Variants in STIM2 observed in about 807,000 individuals in gnomAD.
The protein encoded by STIM2 is stromal interaction molecule 2.
A neutral mutation model predicts 85.8 loss-of-function variants in STIM2; 31 were observed. The observed-to-expected ratio is 0.36, with a 90% confidence interval of 0.27 to 0.49. The LOEUF is 0.49. Among genes scored for constraint, STIM2 ranks in the 20% least tolerant of loss-of-function variants. The probability of loss-of-function intolerance (pLI) is 0.98; values close to 1 mark genes in which losing one functional copy is unlikely to be tolerated. For synonymous variants in STIM2, 356 were observed against 331.1 expected, an observed-to-expected ratio of 1.08 and a Z score of -0.82; for missense variants, 841 against 927.6, an observed-to-expected ratio of 0.91 and a Z score of 1.21.
intron 1 of STIM2, among the ~76,000 whole-genome samples, chr4:26,910,975 G>A (rs1456254674): frequency 1.3e-5 from 2 of 152,108 alleles, no homozygotes; most frequent in Non-Finnish European, 1.5e-5. Context: ...AGTGGCTCAC[G>A]CCTGTAATCC....
At chr4:26,967,683 G>A (rs551265783) in intron 3 of STIM2, among the ~76,000 whole-genome samples, 1 of 152,174 alleles carries the variant, frequency 6.6e-6, no homozygotes, top group Admixed American at 6.5e-5. Flanking sequence ...TGTTATTAAG[G>A]ATCTCATATA....
At position 26,861,215 on chromosome 4, in the gene STIM2, T is replaced by C; in HGVS notation, c.-4T>C. On this transcript the variant is annotated 5_prime_UTR_variant, in exon 1 of 12. Coordinates refer to ENST00000467087, the MANE Select transcript of STIM2 (RefSeq NM_020860.4). The stretch of plus-strand genomic sequence containing the variant: ...GGCTGCTGCGGCGGCGGCGCTGGGC[T>C]GCGTTGCTGGTGCTCGGGCTGCTGG... 6.8e-7 allele frequency: 1 copy of C among 1,480,370 alleles called. No homozygotes were observed. The highest frequency in any genetic ancestry group is 8.9e-7 in the Non-Finnish European group (1 of 1,120,642). 91.7% of individuals were successfully genotyped at this position (1,480,370 alleles called of 1,614,324 possible). A position where few individuals can be genotyped will look rare whatever the true frequency, so the allele number is the denominator to read the frequency against.
intron 3 of STIM2, among the ~76,000 whole-genome samples, chr4:26,976,123 G>A (rs890902095): frequency 4.6e-5 from 7 of 152,164 alleles, no homozygotes; most frequent in Non-Finnish European, 7.3e-5. Flanking sequence ...TATTTGGGCG[G>A]GAGTGTTCCG....
At chr4:26,980,147 G>C (rs1727330936) in intron 3 of STIM2, among the ~76,000 whole-genome samples, 1 of 152,122 alleles carries the variant, frequency 6.6e-6, no homozygotes, top group Non-Finnish European at 1.5e-5. Context: ...TAGACTAAAG[G>C]CATGTATAAA....
intron 1 of STIM2, among the ~76,000 whole-genome samples, chr4:26,890,823 CAAAAAAAA>C (rs60092225): frequency 3.3e-4 from 17 of 51,058 alleles, no homozygotes; most frequent in African/African-American, 1.1e-3. Flanking sequence ...GACTCCGTCT[CAAAAAAAA>C]AAAAAAAAAA....
chr4:26,895,988 T>A (rs746589499), intron 1 of STIM2, among the ~76,000 whole-genome samples: 3 of 152,208 alleles, frequency 2.0e-5, no homozygotes, highest in Admixed American at 1.3e-4. Context: ...ATTCTCAGAT[T>A]CTCACAAGGC....
In STIM2 at chr4:26,874,007, T is replaced by G. The variant is rs1307723864; in HGVS notation, c.151+12638T>G. On this transcript the variant is annotated intron_variant, in intron 1 of 11. Transcript: ENST00000467087. ...TGCCCCTCTCTTTCTCCTCCTGGCC[T>G]TCACCTGAGTCTCCACCAGCCACTT... 1.2e-5 allele frequency: 10 copies of G among 800,450 alleles called. 1 individual carries two copies. The African/African-American group carries it at 1.4e-4, about 11-fold the overall frequency. The allele number at this position is 800,450 out of a possible 1,614,324, so 49.6% of individuals were successfully genotyped here.
intron 1 of STIM2, among the ~76,000 whole-genome samples, chr4:26,905,522 G>T (rs1030643800): frequency 2.6e-5 from 4 of 152,176 alleles, no homozygotes; most frequent in Non-Finnish European, 5.9e-5. Context: ...GGATGTGTGT[G>T]GGAAGAATAA....
At chr4:26,930,318 A>G (rs1211663135) in intron 2 of STIM2, among the ~76,000 whole-genome samples, 1 of 152,134 alleles carries the variant, frequency 6.6e-6, no homozygotes, top group East Asian at 1.9e-4. Flanking sequence ...GAAAAGTTTT[A>G]TCATAGATTC....
chr4:26,908,784 A>G (rs1724224709), intron 1 of STIM2, among the ~76,000 whole-genome samples: 1 of 152,140 alleles, frequency 6.6e-6, no homozygotes, highest in Non-Finnish European at 1.5e-5. Context: ...GCACCCGGCC[A>G]CAGTCATTGT....
At chr4:26,910,011 TTA>T (rs978152504) in intron 1 of STIM2, among the ~76,000 whole-genome samples, 1 of 152,232 alleles carries the variant, frequency 6.6e-6, no homozygotes, top group Non-Finnish European at 1.5e-5. Flanking sequence ...TTCTGTGATT[TTA>T]TATATGTGTG....
Position 27,022,742 on chromosome 4 carries a change from A to G in STIM2, c.1987A>G (p.Ile663Val), listed in dbSNP as rs1212345112. Reference sequence around the variant, plus strand: ...AGGTCTGACAGAAACTAAGAGTATGATCTTCAGTCCTGCAAGCAAAGTGTA... The same window carrying G: ...AGGTCTGACAGAAACTAAGAGTATGGTCTTCAGTCCTGCAAGCAAAGTGTA... The change falls in exon 12 of 12, where the codon ATC (isoleucine) becomes GTC (valine). Residue 663 changes from isoleucine (I) to valine (V), a missense_variant. By Grantham distance (29) the Ile-to-Val change is conservative. Coordinates refer to ENST00000467087, the MANE Select transcript of STIM2 (RefSeq NM_020860.4). The G allele has an allele frequency of 1.9e-6, 3 of 1,614,176 alleles. No individual in the cohort carries two copies. The highest frequency in any genetic ancestry group is 2.5e-6 in the Non-Finnish European group (3 of 1,180,036).
chr4:26,933,190 CAA>C (rs1161592168), intron 2 of STIM2, among the ~76,000 whole-genome samples: 23 of 92,276 alleles, frequency 2.5e-4, no homozygotes, highest in Admixed American at 3.6e-4. Context: ...ATTGAGAGCT[CAA>C]AAAAAAAAAA....
rs80195308 is a variant in STIM2 at position 26,867,825 on chromosome 4, A to G, written c.151+6456A>G. On this transcript the variant is annotated intron_variant, in intron 1 of 11. Coordinates refer to ENST00000467087, the MANE Select transcript of STIM2 (RefSeq NM_020860.4). Reference sequence around the variant, plus strand: ...GTAACTGTTTTCCTTGACTGGTTTCATTGTTGCTGATTTTAAGGGTGGTTC... The same window carrying G: ...GTAACTGTTTTCCTTGACTGGTTTCGTTGTTGCTGATTTTAAGGGTGGTTC... Among the ~76,000 whole-genome samples, 4 of 152,200 alleles carry G rather than the reference A, an allele frequency of 2.6e-5. No individual in the cohort carries two copies. The East Asian group carries it at 7.7e-4, about 29-fold the overall frequency.
intron 3 of STIM2, 86 bp from the exon 4 acceptor site, chr4:26,995,293 T>C (rs2109125399): frequency 1.5e-6 from 1 of 679,480 alleles, no homozygotes; most frequent in Non-Finnish European, 2.4e-6. Context: ...TGCAATCTAA[T>C]ATCTTTATAT....
At chr4:26,869,288 GA>G (rs1454313885) in intron 1 of STIM2, among the ~76,000 whole-genome samples, 1 of 122,494 alleles carries the variant, frequency 8.2e-6, no homozygotes, top group Non-Finnish European at 1.6e-5. Flanking sequence ...GGCGGAGTGA[GA>G]CCCTGTCTCC....
chr4:26,873,113 T>C (rs1413922334), intron 1 of STIM2, among the ~76,000 whole-genome samples: 1 of 152,060 alleles, frequency 6.6e-6, no homozygotes, highest in East Asian at 1.9e-4. Context: ...ATTCAGAGGG[T>C]AACAGGCCGG....
intron 1 of STIM2, among the ~76,000 whole-genome samples, chr4:26,909,246 A>G (rs757504834): frequency 5.9e-5 from 9 of 152,198 alleles, no homozygotes; most frequent in Non-Finnish European, 1.0e-4. Flanking sequence ...TTAGTTATCT[A>G]TTGAGTTACA....
Position 27,014,887 on chromosome 4 carries a change from T to G in STIM2, c.1490-2824T>G, listed in dbSNP as rs191854016. ...CAGGTATAATACCTTCTTTACAGAT[T>G]TAACTGTTCCTTTTATAGTTATGTG... On this transcript the variant is annotated intron_variant, in intron 10 of 11. Coordinates refer to ENST00000467087, the MANE Select transcript of STIM2 (RefSeq NM_020860.4). Among the ~76,000 whole-genome samples, 400 of 152,130 alleles carry G rather than the reference T, an allele frequency of 2.6e-3. 1 individual carries two copies. Among genetic ancestry groups the G allele is most frequent in the Non-Finnish European group, 3.5e-3 (235 of 67,846 alleles).
Sources: gnomAD v4.1 joint callset for allele counts (sites outside exome capture counted in the v4.1 genomes callset) on GRCh38, gnomAD v4.1.1 for gene constraint, MANE v1.5 for transcripts, NCBI Gene and HGNC (gene_info 2026-07-23, HGNC 2026-07-21) for gene names.